Variants in CAPZA1 observed in about 807,000 individuals in gnomAD.
The protein encoded by CAPZA1 is capping actin protein of muscle Z-line subunit alpha 1, also known as F-actin-capping protein subunit alpha-1.
In CAPZA1, 10 loss-of-function variants were observed where a neutral mutation model predicts 40.8. The ratio of observed to expected loss-of-function variants is 0.25; its 90% confidence interval spans 0.15 to 0.42. CAPZA1 has a LOEUF of 0.42. Ranked by LOEUF, CAPZA1 falls within the 10% of genes least tolerant of loss-of-function variation. The pLI is 1.00. For missense variants in CAPZA1, 277 were observed against 353.8 expected (o/e 0.78, Z 1.74); for synonymous variants, 98 against 115.0 (o/e 0.85, Z 0.95).
intron 1 of CAPZA1, among the ~76,000 whole-genome samples, chr1:112,624,631 A>AG (rs1379617502): frequency 6.9e-6 from 1 of 145,286 alleles, no homozygotes; most frequent in African/African-American, 2.5e-5. Context: ...AAAAAAAAAA[A>AG]GAGGTATTAT....
At chr1:112,635,650 G>A (rs1670999853) in intron 1 of CAPZA1, among the ~76,000 whole-genome samples, 1 of 150,806 alleles carries the variant, frequency 6.6e-6, no homozygotes, top group Non-Finnish European at 1.5e-5. Flanking sequence ...TTAGCCAGCT[G>A]GTCTTGAACT....
chr1:112,669,479 C>G, intron 8 of CAPZA1, 64 bp from the exon 9 acceptor site: 1 of 1,112,268 alleles, frequency 9.0e-7, no homozygotes, highest in East Asian at 2.4e-5. Context: ...GACTTACTTT[C>G]AGGATCTTAC....
In CAPZA1 at chr1:112,647,246, C is replaced by T; in HGVS notation, c.76C>T (p.Pro26Ser). ...IAAKFITHAP[P>S]GEFNEVFNDV... ...TGCTAAATTCATCACTCATGCACCC[C>T]CAGGGGAATTTAATGAAGTATTCAA... The change falls in exon 2 of 10, where the codon CCA becomes TCA. Residue 26 changes from proline (P) to serine (S), a missense_variant. By Grantham distance (74) the Pro-to-Ser change is moderately conservative (BLOSUM62 -1). Transcript: ENST00000263168. 1 of 1,521,272 alleles carries T rather than the reference C, an allele frequency of 6.6e-7. No homozygotes were observed. The highest frequency in any genetic ancestry group is 8.9e-7 in the Non-Finnish European group (1 of 1,126,184). The allele number at this position is 1,521,272 out of a possible 1,614,324, so 94.2% of individuals were successfully genotyped here.
At chr1:112,622,928 C>T (rs947026692) in intron 1 of CAPZA1, among the ~76,000 whole-genome samples, 3 of 150,450 alleles carry the variant, frequency 2.0e-5, no homozygotes, top group African/African-American at 4.9e-5. Context: ...TGTCTCCCAG[C>T]GGGCTGGAGT....
intron 8 of CAPZA1, among the ~76,000 whole-genome samples, chr1:112,669,199 T>C (rs1671781834): frequency 6.6e-6 from 1 of 152,244 alleles, no homozygotes; most frequent in East Asian, 1.9e-4. Context: ...GTTTCAAGAC[T>C]TGATGATGTC....
In CAPZA1 at chr1:112,669,529, C is replaced by T. The variant is rs764915975; in HGVS notation, c.658-14C>T. 56 of 1,593,910 alleles carry T rather than the reference C, an allele frequency of 3.5e-5. No homozygotes were observed. Among genetic ancestry groups the T allele is most frequent in the Non-Finnish European group, 4.7e-5 (55 of 1,162,894 alleles). Reference sequence around the variant, plus strand: ...AAAAAAATCTGATTTTCCCCTTCTTCCTTCCTTCATTAGAATGAAGCCCAA... The same window carrying T: ...AAAAAAATCTGATTTTCCCCTTCTTTCTTCCTTCATTAGAATGAAGCCCAA... On this transcript the variant is annotated splice_polypyrimidine_tract_variant and intron_variant, in intron 8 of 9. Transcript: ENST00000263168.
At chr1:112,620,201 G>A (rs762550816) in intron 1 of CAPZA1, 1 of 278,550 alleles carries the variant, frequency 3.6e-6, no homozygotes, top group Non-Finnish European at 6.7e-6. Flanking sequence ...AGAGGGTGGT[G>A]GTTATGTTGC....
intron 1 of CAPZA1, among the ~76,000 whole-genome samples, chr1:112,635,741 G>A (rs1316468276): frequency 3.3e-5 from 5 of 152,076 alleles, no homozygotes. Context: ...AATTTTAAAA[G>A]CTAGTGATGG....
intron 1 of CAPZA1, among the ~76,000 whole-genome samples, chr1:112,644,214 A>G (rs1671238671): frequency 2.7e-5 from 1 of 37,716 alleles, no homozygotes; most frequent in Non-Finnish European, 4.9e-5. Flanking sequence ...TTTTTGAGAC[A>G]GAGTCTCCCA....
At chr1:112,656,657 C>T (rs1203451607) in intron 5 of CAPZA1, among the ~76,000 whole-genome samples, 1 of 151,736 alleles carries the variant, frequency 6.6e-6, no homozygotes, top group Non-Finnish European at 1.5e-5. Flanking sequence ...AGCTCCAGCA[C>T]CAAATAACCC....
intron 1 of CAPZA1, among the ~76,000 whole-genome samples, chr1:112,641,491 A>G (rs1000228038): frequency 1.3e-5 from 2 of 152,160 alleles, no homozygotes; most frequent in Admixed American, 6.5e-5. Context: ...TTATAAACCC[A>G]TGTCAACAAA....
chr1:112,624,009 AAAAAAAAAAAAG>A (rs1319820151), intron 1 of CAPZA1, among the ~76,000 whole-genome samples: 1 of 147,178 alleles, frequency 6.8e-6, no homozygotes, highest in Non-Finnish European at 1.5e-5. Context: ...CCATCTCAAA[AAAAAAAAAAAAG>A]AAAAAAGAAA....
chr1:112,663,954 C>G (rs1671668785), intron 7 of CAPZA1, among the ~76,000 whole-genome samples: 2 of 152,096 alleles, frequency 1.3e-5, no homozygotes, highest in South Asian at 4.3e-4. Context: ...AAGATACTTG[C>G]CGGGCACGGT....
intron 1 of CAPZA1, among the ~76,000 whole-genome samples, chr1:112,622,388 TTTAG>T (rs1670694229): frequency 6.6e-6 from 1 of 152,198 alleles, no homozygotes; most frequent in Admixed American, 6.5e-5. Flanking sequence ...AAATAAATCT[TTTAG>T]TTGTAGCTTT....
At chr1:112,660,838 CTTTTTTTTTTTTT>C (rs67876993) in intron 7 of CAPZA1, among the ~76,000 whole-genome samples, 1 of 66,014 alleles carries the variant, frequency 1.5e-5, no homozygotes, top group South Asian at 7.6e-4. Context: ...CAAGAGTTGT[CTTTTTTTTTTTTT>C]TTTTTTTTTT....
chr1:112,641,592 T>C (rs934774628), intron 1 of CAPZA1, among the ~76,000 whole-genome samples: 1 of 152,062 alleles, frequency 6.6e-6, no homozygotes, highest in African/African-American at 2.4e-5. Context: ...TCTGTTAAAT[T>C]AGATATTAAA....
intron 1 of CAPZA1, chr1:112,626,125 C>G (rs777295940): frequency 3.3e-5 from 5 of 152,236 alleles, no homozygotes; most frequent in African/African-American, 4.8e-5. Flanking sequence ...TACTCATCAT[C>G]TAGAGGAAGG....
intron 7 of CAPZA1, among the ~76,000 whole-genome samples, chr1:112,662,720 AAAACAGTGAGGCTT>A (rs1444414990): frequency 1.3e-5 from 2 of 151,734 alleles, no homozygotes; most frequent in African/African-American, 4.8e-5. Flanking sequence ...ATTGAGATCA[AAAACAGTGAGGCTT>A]ATTGACCTTA....
At chr1:112,661,649 C>T (rs1172303675) in intron 7 of CAPZA1, among the ~76,000 whole-genome samples, 2 of 152,170 alleles carry the variant, frequency 1.3e-5, no homozygotes, top group Non-Finnish European at 2.9e-5. Context: ...TTCCTAGAAC[C>T]ATGGTATCAG....
Sources: gnomAD v4.1 joint callset for allele counts (sites outside exome capture counted in the v4.1 genomes callset) on GRCh38, gnomAD v4.1.1 for gene constraint, MANE v1.5 for transcripts, NCBI Gene and HGNC (gene_info 2026-07-23, HGNC 2026-07-21) for gene names.